The following SENP6 variants were observed in gnomAD, a reference collection of about 807,000 sequenced individuals.
SENP6 encodes the protein sentrin-specific protease 6.
SENP6 carries 41 observed loss-of-function variants against 134.5 expected under a neutral mutation model. The observed-to-expected ratio is 0.30, with a 90% CI of 0.24 to 0.40. SENP6 has a LOEUF of 0.40. Ranked by LOEUF, SENP6 falls within the 10% of genes least tolerant of loss-of-function variation. The pLI is 1.00. For synonymous variants in SENP6, 395 were observed against 429.8 expected (o/e 0.92, Z 1.00); for missense variants, 1,248 against 1,312.5 (o/e 0.95, Z 0.76).
intron 7 of SENP6, among the ~76,000 whole-genome samples, chr6:75,652,600 G>C (rs675681): frequency 0.19 from 28,766 of 148,076 alleles, 3,222 homozygotes; most frequent in African/African-American, 0.31. Context: ...ACTTTGGGAG[G>C]CCGAGGCAGG....
chr6:75,660,078 A>G (rs896854615), intron 8 of SENP6, among the ~76,000 whole-genome samples: 6 of 152,226 alleles, frequency 3.9e-5, no homozygotes, highest in African/African-American at 1.2e-4. Context: ...CTCTTTCAAT[A>G]GAAATAATTT....
At chr6:75,696,050 C>T (rs1366952772) in intron 17 of SENP6, 127 bp downstream of exon 17, 1 of 821,110 alleles carries the variant, frequency 1.2e-6, no homozygotes. Context: ...ATTCTCCAGC[C>T]AGGAAGAGAA....
intron 6 of SENP6, among the ~76,000 whole-genome samples, chr6:75,642,225 A>G (rs567768425): frequency 1.3e-5 from 2 of 152,380 alleles, no homozygotes; most frequent in South Asian, 2.1e-4. Context: ...GTGATGAACA[A>G]AGCAGACAAG....
intron 14 of SENP6, chr6:75,677,926 A>C (rs893290338): frequency 1.3e-5 from 2 of 152,336 alleles, no homozygotes; most frequent in African/African-American, 4.8e-5. Flanking sequence ...AAACTTGGAA[A>C]TATGGCTATC....
intron 18 of SENP6, chr6:75,697,723 CCAGATA>C: frequency 2.2e-6 from 1 of 453,414 alleles, no homozygotes; most frequent in Non-Finnish European, 4.0e-6. Context: ...AGACAATAGA[CCAGATA>C]CCTTTCTAAT....
intron 18 of SENP6, among the ~76,000 whole-genome samples, chr6:75,701,977 T>C (rs1246732762): frequency 3.3e-5 from 5 of 152,016 alleles, no homozygotes; most frequent in Non-Finnish European, 7.4e-5. Flanking sequence ...TTTCCATCTT[T>C]TTACATAAAG....
chr6:75,695,660 C>T, intron 16 of SENP6, 144 bp from the exon 17 acceptor site: 1 of 472,056 alleles, frequency 2.1e-6, no homozygotes, highest in Non-Finnish European at 3.7e-6. Context: ...TCACTTGAAC[C>T]CAGGAGGTGG....
At chr6:75,667,747 G>T (rs917970169) in intron 10 of SENP6, among the ~76,000 whole-genome samples, 1 of 152,130 alleles carries the variant, frequency 6.6e-6, no homozygotes, top group African/African-American at 2.4e-5. Context: ...TCCCCAGTAC[G>T]TAAGGCTTTA....
Position 75,666,809 on chromosome 6 carries a change from A to T in SENP6, c.1092A>T (p.Ala364=), listed in dbSNP as rs1582811843. 6.2e-7 allele frequency: 1 copy of T among 1,613,716 alleles called. No individual in the cohort carries two copies. Among genetic ancestry groups the T allele is most frequent in the Non-Finnish European group, 8.5e-7 (1 of 1,179,726 alleles). The change falls in exon 10 of 24, where the codon GCA becomes GCT. Residue 364 remains alanine, a synonymous_variant. Coordinates refer to ENST00000447266, the MANE Select transcript of SENP6 (RefSeq NM_015571.4). ...CTGATTCAGCATGTTCTTCCCCTGC[A>T]CCATCCACTGGAAAAGTAGAAGCAG... ...QPADSACSSP[A]PSTGKVEAAL...
chr6:75,602,782 G>T (rs989021549), intron 1 of SENP6, among the ~76,000 whole-genome samples: 8 of 152,174 alleles, frequency 5.3e-5, no homozygotes, highest in African/African-American at 1.9e-4. Context: ...GAGCCGGTTC[G>T]GCCCAGGGGG....
intron 10 of SENP6, 96 bp downstream of exon 10, chr6:75,667,037 A>T: frequency 1.6e-6 from 1 of 640,824 alleles, no homozygotes; most frequent in Non-Finnish European, 2.7e-6. Flanking sequence ...CCAAGAAAAA[A>T]TGATGGATTA....
intron 20 of SENP6, among the ~76,000 whole-genome samples, chr6:75,709,883 A>G (rs1334968714): frequency 6.6e-6 from 1 of 152,222 alleles, no homozygotes; most frequent in Non-Finnish European, 1.5e-5. Context: ...GTAATTTATC[A>G]TGGCTTCTGA....
At chr6:75,682,740 C>T (rs1482063966) in intron 16 of SENP6, among the ~76,000 whole-genome samples, 1 of 152,098 alleles carries the variant, frequency 6.6e-6, no homozygotes, top group African/African-American at 2.4e-5. Context: ...TGAACTCATC[C>T]TTTTTTATGG....
intron 10 of SENP6, among the ~76,000 whole-genome samples, chr6:75,669,612 A>C (rs1313319208): frequency 2.0e-5 from 3 of 152,194 alleles, no homozygotes; most frequent in Non-Finnish European, 2.9e-5. Context: ...TTACATACCT[A>C]TATGAAGTGT....
chr6:75,679,582 C>T (rs1232871592), intron 16 of SENP6: 1 of 152,164 alleles, frequency 6.6e-6, no homozygotes, highest in East Asian at 1.9e-4. Context: ...TGAGAGAATG[C>T]TTCATTATCT....
chr6:75,630,042 G>T (rs1445744256), intron 3 of SENP6, among the ~76,000 whole-genome samples: 1 of 151,828 alleles, frequency 6.6e-6, no homozygotes, highest in East Asian at 1.9e-4. Flanking sequence ...TAATGAATGA[G>T]GGCCACAATG....
At chr6:75,684,322 A>G (rs1419860875) in intron 16 of SENP6, among the ~76,000 whole-genome samples, 1 of 152,230 alleles carries the variant, frequency 6.6e-6, no homozygotes, top group African/African-American at 2.4e-5. Flanking sequence ...TTTTCTAAAT[A>G]CACAATCATG....
At chr6:75,628,716 T>C (rs1357942185) in intron 3 of SENP6, among the ~76,000 whole-genome samples, 1 of 152,158 alleles carries the variant, frequency 6.6e-6, no homozygotes, top group Non-Finnish European at 1.5e-5. Flanking sequence ...TATAGTATTA[T>C]CATACAATTC....
intron 6 of SENP6, among the ~76,000 whole-genome samples, chr6:75,644,877 T>C (rs575334015): frequency 3.3e-5 from 5 of 152,322 alleles, no homozygotes; most frequent in African/African-American, 1.2e-4. Flanking sequence ...GTGTTGACAT[T>C]AGGGTAAGAG....
Sources: gnomAD v4.1 joint callset for allele counts (sites outside exome capture counted in the v4.1 genomes callset) on GRCh38, gnomAD v4.1.1 for gene constraint, MANE v1.5 for transcripts, NCBI Gene and HGNC (gene_info 2026-07-23, HGNC 2026-07-21) for gene names.